The following ENGASE variants were observed in gnomAD, a reference collection of about 807,000 sequenced individuals.
ENGASE encodes the protein cytosolic endo-beta-N-acetylglucosaminidase.
In ENGASE, 69 loss-of-function variants were observed where a neutral mutation model predicts 78.5. That is an observed-to-expected ratio of 0.88 (90% CI 0.72 to 1.07). The LOEUF is 1.07. ENGASE is among the 50% of genes least tolerant of loss of function. ENGASE has a pLI of 0.00. For missense variants in ENGASE, 943 were observed against 988.4 expected, an observed-to-expected ratio of 0.95 and a Z score of 0.62; for synonymous variants, 408 against 408.9, an observed-to-expected ratio of 1.00 and a Z score of 0.03.
chr17:79,080,856 C>A, intron 5 of ENGASE, 69 bp from the exon 6 acceptor site: 4 of 1,542,272 alleles, frequency 2.6e-6, no homozygotes, highest in Non-Finnish European at 3.5e-6. Flanking sequence ...GTCTGTCCAG[C>A]GCTGGATACT....
In ENGASE at chr17:79,080,948, T is replaced by A. The variant is rs2073118096; in HGVS notation, c.747T>A (p.Pro249=). The A allele has an allele frequency of 1.2e-6, 2 of 1,612,984 alleles. No homozygotes were observed. The highest frequency in any genetic ancestry group is 8.5e-7 in the Non-Finnish European group (1 of 1,179,604). The change falls in exon 6 of 14, where the codon CCT becomes CCA. Residue 249 remains proline (P), a synonymous_variant. Transcript: ENST00000579016. Reference sequence around the variant, plus strand: ...AGCTGGCCGCTGTGGGGAACATGCCTCCTTTCCTGCGGTACCTCACCACAC... The same window carrying A: ...AGCTGGCCGCTGTGGGGAACATGCCACCTTTCCTGCGGTACCTCACCACAC... ...SLSLAAVGNM[P]PFLRYLTTQL... is the part of the protein sequence containing the mutation.
chr17:79,076,694 T>C (rs1171682686), intron 1 of ENGASE, among the ~76,000 whole-genome samples: 2 of 152,194 alleles, frequency 1.3e-5, no homozygotes, highest in Admixed American at 1.3e-4. Flanking sequence ...GGAAGGCACT[T>C]AGGGAAGTGT....
chr17:79,085,095 C>A, intron 11 of ENGASE, 139 bp from the exon 12 acceptor site: 1 of 736,546 alleles, frequency 1.4e-6, no homozygotes, highest in Non-Finnish European at 2.5e-6. Flanking sequence ...GGAGTCCTTG[C>A]TGGTTGCTTC....
At chr17:79,082,158 G>A in intron 7 of ENGASE, 95 bp downstream of exon 7, 1 of 1,605,934 alleles carries the variant, frequency 6.2e-7, no homozygotes. Flanking sequence ...GCACCTCAAA[G>A]GAATGACAGC....
chr17:79,078,658 C>T lies in ENGASE; in HGVS notation c.416+794C>T, dbSNP rs1055557475. Among the ~76,000 whole-genome samples, 7 of 152,234 alleles carry T rather than the reference C, an allele frequency of 4.6e-5. No homozygotes were observed. In the South Asian group the frequency reaches 8.3e-4, roughly 18 times the overall value. ...CCATCCAAAGTTGCCGTGGAGTCCGCGCGGCGCTTTTAAATGTCCATAAAA... is the reference window on the plus strand; with the variant it reads ...CCATCCAAAGTTGCCGTGGAGTCCGTGCGGCGCTTTTAAATGTCCATAAAA... On this transcript the variant is annotated intron_variant, in intron 3 of 13. Coordinates refer to ENST00000579016, the MANE Select transcript of ENGASE (RefSeq NM_001042573.3).
rs565481279 is a variant in ENGASE, at chr17:79,080,993, A to C, written c.792A>C (p.Pro264=). 37 of 1,613,026 alleles carry C rather than the reference A, an allele frequency of 2.3e-5. No homozygotes were observed. In the African/African-American group the frequency reaches 4.4e-4, roughly 19 times the overall value. ...CCACACAGCTGCACCGGCAGGTCCCAGGGGGCCTGGTGCTCTGGTATGACA... is the reference window on the plus strand; with the variant it reads ...CCACACAGCTGCACCGGCAGGTCCCCGGGGGCCTGGTGCTCTGGTATGACA... ...YLTTQLHRQV[P]GGLVLWYDSV... Residue 264 remains proline (P), a synonymous_variant, in exon 6 of 14, where the codon CCA becomes CCC. Coordinates refer to ENST00000579016, the MANE Select transcript of ENGASE (RefSeq NM_001042573.3).
In ENGASE at chr17:79,077,488, C is replaced by G; in HGVS notation, c.205C>G (p.Pro69Ala). ...AGAGGTGGTCAGTTTTTCCCCGGAC[C>G]CCCTGCCAGGTGAGGAGACAGAGGC... ...FREVVSFSPDPLPVRYYDKDT... is the reference protein window; with the variant it reads ...FREVVSFSPDALPVRYYDKDT... Residue 69 changes from proline (P) to alanine (A), a missense_variant, in exon 2 of 14, where the codon CCC (proline) becomes GCC (alanine). Transcript: ENST00000579016. 1 of 1,557,440 alleles carries G rather than the reference C, an allele frequency of 6.4e-7. No individual in the cohort carries two copies. The highest frequency in any genetic ancestry group is 8.6e-7 in the Non-Finnish European group (1 of 1,156,080).
chr17:79,081,797 C>T (rs2073146394), intron 6 of ENGASE, 101 bp from the exon 7 acceptor site: 1 of 1,436,350 alleles, frequency 7.0e-7, no homozygotes, highest in Non-Finnish European at 9.3e-7. Context: ...GGGCCCATCC[C>T]TCTGAGTACT....
chr17:79,082,220 G>A (rs754292056), intron 7 of ENGASE, 157 bp downstream of exon 7: 25 of 1,552,332 alleles, frequency 1.6e-5, no homozygotes, highest in Non-Finnish European at 2.1e-5. Context: ...CAGGTGTCCT[G>A]CCCCGGCCAA....
chr17:79,085,196 A>C, intron 11 of ENGASE, 38 bp from the exon 12 acceptor site: 2 of 1,541,684 alleles, frequency 1.3e-6, no homozygotes, highest in Non-Finnish European at 1.8e-6. Flanking sequence ...TTTTCCTTTG[A>C]GATTCTCCTT....
rs1011295935 is a variant in ENGASE, at chr17:79,087,149, C to A, written c.*800C>A. ...CCTCTGCCCAGCGAGAGGCCGTGGG[C>A]TCTGGACAAGCCGCCCTTCAGGCTG... On this transcript the variant is annotated 3_prime_UTR_variant, in exon 14 of 14. Transcript: ENST00000579016. 1.9e-5 allele frequency: 8 copies of A among 430,482 alleles called. No homozygotes were observed. Among genetic ancestry groups the A allele is most frequent in the Non-Finnish European group, 3.3e-5 (7 of 210,096 alleles). 26.7% of individuals were successfully genotyped at this position (430,482 alleles called of 1,614,324 possible).
chr17:79,080,010 C>T (rs575922971), intron 4 of ENGASE, among the ~76,000 whole-genome samples, 197 bp from the exon 5 acceptor site: 5 of 152,366 alleles, frequency 3.3e-5, no homozygotes, highest in South Asian at 4.1e-4. Flanking sequence ...CAATCCCGAT[C>T]GTTGATGGGC....
chr17:79,084,399 G>A (rs1043666257), intron 10 of ENGASE, 139 bp from the exon 11 acceptor site: 5 of 815,090 alleles, frequency 6.1e-6, no homozygotes, highest in Middle Eastern at 3.2e-4. Flanking sequence ...CCCTGGCTAC[G>A]GACAGGACCA....
chr17:79,076,942 G>A (rs1005004556), intron 1 of ENGASE, among the ~76,000 whole-genome samples: 8 of 152,106 alleles, frequency 5.3e-5, no homozygotes, highest in East Asian at 1.9e-4. Context: ...GCACAGTCCC[G>A]GCTCACTGCA....
Position 79,085,939 on chromosome 17 carries a change from G to A in ENGASE, c.1822G>A (p.Asp608Asn), listed in dbSNP as rs1247545958. The change falls in exon 14 of 14, where the codon GAC becomes AAC. Residue 608 changes from aspartate (D) to asparagine (N), a missense_variant. Transcript: ENST00000579016. ...TCRLGEIQVV[D>N]AASLLAPLPQ... ...GAGCCTTCTCTCCTGCCAGGTGGTG[G>A]ACGCTGCCAGCCTGCTGGCCCCTCT... 6.3e-7 allele frequency: 1 copy of A among 1,595,404 alleles called. No homozygotes were observed. The highest frequency in any genetic ancestry group is 2.2e-5 in the East Asian group (1 of 44,716).
chr17:79,084,032 G>A lies in ENGASE; in HGVS notation c.1442+81G>A. The A allele has an allele frequency of 6.3e-6, 8 of 1,267,694 alleles. No individual in the cohort carries two copies. In the South Asian group the frequency reaches 1.0e-4, roughly 17 times the overall value. 78.5% of individuals were successfully genotyped at this position (1,267,694 alleles called of 1,614,324 possible). On this transcript the variant is annotated intron_variant, in intron 10 of 13. Coordinates refer to ENST00000579016, the MANE Select transcript of ENGASE (RefSeq NM_001042573.3). ...GCCATGGAACTGGACAGATGGGGCA[G>A]TGGAGGCCAGAACAAGGACAGAGGA...
In ENGASE at chr17:79,083,977, G is replaced by C; in HGVS notation, c.1442+26G>C. On this transcript the variant is annotated intron_variant, in intron 10 of 13. Coordinates refer to ENST00000579016, the MANE Select transcript of ENGASE (RefSeq NM_001042573.3). This position sits in a 1 kb window ranked among gnomAD's most constrained non-coding sequence, Gnocchi z 4.9. ...GTGGGTGAGTGACGGAGGACGGTGG[G>C]CCCACCAGCTTCTCCCATCACACGT... is the stretch of plus-strand genomic sequence containing the variant. 6.3e-7 allele frequency: 1 copy of C among 1,594,962 alleles called. No homozygotes were observed. The highest frequency in any genetic ancestry group is 8.5e-7 in the Non-Finnish European group (1 of 1,170,788).
At chr17:79,084,269 T>G in intron 10 of ENGASE, 1 of 335,202 alleles carries the variant, frequency 3.0e-6, no homozygotes. Flanking sequence ...AGCCACCCCT[T>G]TACTCTGCAT....
intron 1 of ENGASE, chr17:79,075,947 A>C (rs2072958185): frequency 3.1e-6 from 3 of 967,242 alleles, no homozygotes; most frequent in Non-Finnish European, 3.7e-6. Context: ...CTGAAGTATA[A>C]TAAGGACATC....
Sources: allele counts gnomAD v4.1 joint callset (sites outside exome capture counted in the v4.1 genomes callset), GRCh38; gene constraint gnomAD v4.1.1; non-coding constraint Gnocchi (gnomAD v3.1); transcripts MANE v1.5; gene names NCBI Gene and HGNC (gene_info 2026-07-23, HGNC 2026-07-21).